ECM2: variants seen among roughly 807,000 people sequenced by gnomAD.
ECM2 encodes the protein extracellular matrix protein 2, female organ and adipocyte specific.
ECM2 carries 57 observed loss-of-function variants against 67.5 expected under a neutral mutation model. The observed-to-expected ratio is 0.84, with a 90% CI of 0.68 to 1.05. The LOEUF (loss-of-function observed/expected upper bound fraction) is 1.05, where lower values mean the gene tolerates loss of function less well. ECM2 is among the 50% of genes least tolerant of loss of function. The pLI is 0.00. For missense variants in ECM2, 741 were observed against 822.8 expected, an observed-to-expected ratio of 0.90 and a Z score of 1.22; for synonymous variants, 258 against 294.5, an observed-to-expected ratio of 0.88 and a Z score of 1.27.
intron 1 of ECM2, among the ~76,000 whole-genome samples, chr9:92,527,420 T>C (rs1401449295): frequency 6.6e-6 from 1 of 152,216 alleles, no homozygotes. Flanking sequence ...CTCTACCATA[T>C]AGCCTAGGTG....
At chr9:92,502,881 C>T (rs553018197) in intron 7 of ECM2, among the ~76,000 whole-genome samples, 12 of 148,216 alleles carry the variant, frequency 8.1e-5, no homozygotes, top group African/African-American at 2.5e-4. Context: ...AAACATGGCT[C>T]ACTGCAGCCT....
chr9:92,496,379 G>A lies in ECM2; in HGVS notation c.2036C>T (p.Ser679Phe), dbSNP rs758206748. The stretch of plus-strand genomic sequence containing the variant: ...TGATCTTATGCATGAAAATGTGTAA[G>A]ATGGTATTTCTCTAATTTTAATATA... ...NNYIKIREIPSYTFSCIRSYS... is the reference protein window; with the variant it reads ...NNYIKIREIPFYTFSCIRSYS... The change falls in exon 10 of 10, where the codon TCT (serine) becomes TTT (phenylalanine). Residue 679 changes from serine to phenylalanine, a missense_variant. Physicochemically the swap from Ser to Phe is radical, Grantham distance 155 (BLOSUM62 -2). Coordinates refer to ENST00000344604, the MANE Select transcript of ECM2 (RefSeq NM_001393.4). 6 of 1,608,770 alleles carry A rather than the reference G, an allele frequency of 3.7e-6. No homozygotes were observed. In the South Asian group the frequency reaches 4.5e-5, roughly 12 times the overall value.
chr9:92,545,339 G>A, the ECM2 span, among the ~76,000 whole-genome samples: 2 of 152,248 alleles, frequency 1.3e-5, no homozygotes, highest in Middle Eastern at 3.2e-3. Context: ...CTGGGTGGGC[G>A]TGGGCTTGGC....
intron 1 of ECM2, among the ~76,000 whole-genome samples, chr9:92,527,343 G>A (rs1308717982): frequency 6.6e-6 from 1 of 152,132 alleles, no homozygotes; most frequent in African/African-American, 2.4e-5. Context: ...ATACCATTCT[G>A]TTCCAGTTGC....
chr9:92,517,850 C>T lies in ECM2; in HGVS notation c.318G>A (p.Lys106=), dbSNP rs752163626. Residue 106 remains lysine, a synonymous_variant, in exon 3 of 10, where the codon AAG becomes AAA. Coordinates refer to ENST00000344604, the MANE Select transcript of ECM2 (RefSeq NM_001393.4). ...CAGCTTTGTTGTACATGGTTATGCC[C>T]TTTACCAAACAGTGTCCCTTCTTTC... ...LPGKKGHCLV[K]GITMYNKAVW... is the part of the protein sequence containing the mutation. The T allele has an allele frequency of 6.2e-6, 10 of 1,614,160 alleles. No homozygotes were observed. Among genetic ancestry groups the T allele is most frequent in the Non-Finnish European group, 8.5e-6 (10 of 1,180,034 alleles).
Position 92,512,136 on chromosome 9 carries a change from A to G in ECM2, c.1055-10T>C. 6.2e-7 allele frequency: 1 copy of G among 1,604,076 alleles called. No homozygotes were observed. Among genetic ancestry groups the G allele is most frequent in the Non-Finnish European group, 8.5e-7 (1 of 1,171,378 alleles). On this transcript the variant is annotated splice_polypyrimidine_tract_variant and intron_variant, in intron 4 of 9. Coordinates refer to ENST00000344604, the MANE Select transcript of ECM2 (RefSeq NM_001393.4). ...GAGGCGATGGAATTGCCTAGGACAC[A>G]CAGCGGTTATGTTTTAGGCATGTGT...
chr9:92,529,627 A>G (rs4744138), intron 1 of ECM2, among the ~76,000 whole-genome samples: 57,687 of 152,100 alleles, frequency 0.38, 13,671 homozygotes, highest in African/African-American at 0.67. Context: ...TTCAACACCA[A>G]AAAGAAATGA....
the ECM2 span, among the ~76,000 whole-genome samples, chr9:92,549,552 C>A: frequency 6.6e-6 from 1 of 151,168 alleles, no homozygotes. Flanking sequence ...GAGGCTGAGG[C>A]AGGACAATCA....
intron 9 of ECM2, 72 bp from the exon 10 acceptor site, chr9:92,496,555 T>G: frequency 6.5e-7 from 1 of 1,542,340 alleles, no homozygotes; most frequent in Non-Finnish European, 8.6e-7. Context: ...AAGTTTAACA[T>G]TTGTTAAAAA....
chr9:92,531,435 A>G (rs1848743580), intron 1 of ECM2, among the ~76,000 whole-genome samples: 1 of 152,134 alleles, frequency 6.6e-6, no homozygotes, highest in East Asian at 1.9e-4. Flanking sequence ...TTTTAATTAT[A>G]TATGTATTTT....
intron 2 of ECM2, among the ~76,000 whole-genome samples, chr9:92,518,632 C>T (rs1847877033): frequency 6.6e-6 from 1 of 152,178 alleles, no homozygotes; most frequent in African/African-American, 2.4e-5. Context: ...CACGGTGGCT[C>T]ATGCCTGTAA....
chr9:92,545,976 G>GCACCAGTCAGCACCTTGTGT, the ECM2 span, among the ~76,000 whole-genome samples: 1 of 151,840 alleles, frequency 6.6e-6, no homozygotes, highest in Non-Finnish European at 1.5e-5. Flanking sequence ...GTTTGTAAAT[G>GCACCAGTCAGCACCTTGTGT]CACCAGTCAG....
At chr9:92,506,622 G>T (rs752953473) in intron 6 of ECM2, among the ~76,000 whole-genome samples, 2 of 152,214 alleles carry the variant, frequency 1.3e-5, no homozygotes, top group Non-Finnish European at 2.9e-5. Context: ...AGCAAAGACG[G>T]TTGCATCAGG....
In ECM2 at chr9:92,517,703, C is replaced by A. The variant is rs968040; in HGVS notation, c.465G>T (p.Pro155=). 460,197 of 1,613,714 alleles carry A rather than the reference C, an allele frequency of 0.29. 73,838 individuals are homozygous for A. The highest frequency in any genetic ancestry group is 0.68 in the African/African-American group (50,805 of 74,928). Reference sequence around the variant, plus strand: ...TCTCTGTACCAGTAGCGGAGCAGACCGGGCAGCATTCCCCTTCAGGTATAA... The same window carrying A: ...TCTCTGTACCAGTAGCGGAGCAGACAGGGCAGCATTCCCCTTCAGGTATAA... ...QTVIPEGECC[P]VCSATVSYSL... The change falls in exon 3 of 10, where the codon CCG becomes CCT. Residue 155 remains proline, a synonymous_variant. Coordinates refer to ENST00000344604, the MANE Select transcript of ECM2 (RefSeq NM_001393.4).
chr9:92,547,200 A>C, the ECM2 span, among the ~76,000 whole-genome samples: 2 of 152,222 alleles, frequency 1.3e-5, no homozygotes, highest in East Asian at 3.8e-4. Flanking sequence ...GTGTTTTAAA[A>C]AGAATAAAGA....
chr9:92,500,538 A>G (rs997733354), intron 9 of ECM2, among the ~76,000 whole-genome samples, 189 bp downstream of exon 9: 1 of 152,242 alleles, frequency 6.6e-6, no homozygotes, highest in African/African-American at 2.4e-5. Flanking sequence ...GGAAAAGCTT[A>G]TAATGAATCC....
chr9:92,497,912 A>T (rs1384405848), intron 9 of ECM2, among the ~76,000 whole-genome samples: 8 of 148,564 alleles, frequency 5.4e-5, no homozygotes, highest in Non-Finnish European at 1.0e-4. Context: ...GCACCTCCCC[A>T]TTCTTTTTTG....
rs1447061831 is a variant in ECM2 at position 92,522,745 on chromosome 9, C to T, written c.122G>A (p.Ser41Asn). 6.2e-7 allele frequency: 1 copy of T among 1,614,028 alleles called. No homozygotes were observed. The highest frequency in any genetic ancestry group is 1.7e-5 in the Admixed American group (1 of 60,000). ...TGATCTGTGCTTGTGTGAGGTTGAACTTTTCCTCAACCTTCTGTGGTAGAT... is the reference window on the plus strand; with the variant it reads ...TGATCTGTGCTTGTGTGAGGTTGAATTTTTCCTCAACCTTCTGTGGTAGAT... ...RKIYHRRLRK[S>N]STSHKHRSNR... The change falls in exon 2 of 10, where the codon AGT (serine) becomes AAT (asparagine). Residue 41 changes from serine (S) to asparagine (N), a missense_variant. Ser to Asn is a conservative substitution (Grantham distance 46). Transcript: ENST00000344604.
rs1846341450 is a variant in ECM2, at chr9:92,496,332, G to A, written c.2083C>T (p.Pro695Ser). 1 of 1,590,122 alleles carries A rather than the reference G, an allele frequency of 6.3e-7. No homozygotes were observed. Among genetic ancestry groups the A allele is most frequent in the Non-Finnish European group, 8.5e-7 (1 of 1,172,580 alleles). Residue 695 changes from proline (P) to serine (S), a missense_variant, in exon 10 of 10, where the codon CCA (proline) becomes TCA (serine). Pro to Ser is a moderately conservative substitution (Grantham distance 74, BLOSUM62 -1). Coordinates refer to ENST00000344604, the MANE Select transcript of ECM2 (RefSeq NM_001393.4). ...ACTTGGAATTACTTGATGTTTTGTGGTTTAAGAACGATACTTGAGTATGAT... is the reference window on the plus strand; with the variant it reads ...ACTTGGAATTACTTGATGTTTTGTGATTTAAGAACGATACTTGAGTATGAT... ...IRSYSSIVLK[P>S]QNIK
Sources: allele counts gnomAD v4.1 joint callset (sites outside exome capture counted in the v4.1 genomes callset), GRCh38; gene constraint gnomAD v4.1.1; transcripts MANE v1.5; gene names NCBI Gene and HGNC (gene_info 2026-07-23, HGNC 2026-07-21).